LMO7: variants seen among roughly 807,000 people sequenced by gnomAD.
LMO7 encodes the protein LIM domain 7, also known as LIM domain only protein 7.
In LMO7, 120 loss-of-function variants were observed where a neutral mutation model predicts 206.5. That is an observed-to-expected ratio of 0.58 (90% CI 0.50 to 0.68). LMO7 has a LOEUF of 0.68. Ranked by LOEUF, LMO7 falls within the 30% of genes least tolerant of loss-of-function variation. The pLI is 0.00. For missense variants in LMO7, 1,959 were observed against 1,957.9 expected, an observed-to-expected ratio of 1.00 and a Z score of -0.01; for synonymous variants, 706 against 681.5, an observed-to-expected ratio of 1.04 and a Z score of -0.56.
At chr13:75,717,380 AAC>A (rs1555300788) in intron 2 of LMO7, among the ~76,000 whole-genome samples, 1 of 148,610 alleles carries the variant, frequency 6.7e-6, no homozygotes, top group South Asian at 2.1e-4. Context: ...AAAAAAAAAA[AAC>A]ACACAAACAA....
chr13:75,737,790 A>AAAAC (rs1555305779), intron 3 of LMO7, among the ~76,000 whole-genome samples: 4 of 129,442 alleles, frequency 3.1e-5, no homozygotes, highest in African/African-American at 9.6e-5. Flanking sequence ...AATAAAAAAA[A>AAAAC]AAAAAAAAAA....
intron 15 of LMO7, among the ~76,000 whole-genome samples, chr13:75,826,564 T>G (rs1250357610): frequency 6.6e-6 from 1 of 152,216 alleles, no homozygotes; most frequent in Non-Finnish European, 1.5e-5. Context: ...GTGATATCTC[T>G]CACTCCCTTT....
chr13:75,765,811 C>T (rs373566410), intron 4 of LMO7, among the ~76,000 whole-genome samples: 6 of 152,264 alleles, frequency 3.9e-5, no homozygotes, highest in Middle Eastern at 3.4e-3. Context: ...TAATCTATTT[C>T]TCAGATAGCC....
intron 12 of LMO7, 109 bp downstream of exon 12, chr13:75,817,387 G>C (rs2138222257): frequency 1.5e-6 from 1 of 650,352 alleles, no homozygotes. Flanking sequence ...ACAGAATTCA[G>C]TTCTGTATAA....
intron 17 of LMO7, among the ~76,000 whole-genome samples, chr13:75,834,953 A>G (rs2058998758): frequency 6.6e-6 from 1 of 152,184 alleles, no homozygotes; most frequent in Non-Finnish European, 1.5e-5. Context: ...TTTTTTCATT[A>G]CTAACATGAT....
chr13:75,749,907 T>A (rs2047138503), intron 3 of LMO7, among the ~76,000 whole-genome samples: 1 of 152,106 alleles, frequency 6.6e-6, no homozygotes, highest in Non-Finnish European at 1.5e-5. Flanking sequence ...GCTTATTTTC[T>A]TCACAAATAA....
intron 4 of LMO7, among the ~76,000 whole-genome samples, chr13:75,781,730 T>C (rs1376806398): frequency 6.6e-6 from 1 of 151,956 alleles, no homozygotes; most frequent in African/African-American, 2.4e-5. Context: ...TTGAACTAGT[T>C]TACAGTCCCA....
At chr13:75,722,803 G>A (rs562116493) in intron 2 of LMO7, among the ~76,000 whole-genome samples, 1 of 152,252 alleles carries the variant, frequency 6.6e-6, no homozygotes, top group African/African-American at 2.4e-5. Flanking sequence ...AGAAAATGTG[G>A]TGTATATATG....
chr13:75,816,165 C>G (rs557851280), intron 11 of LMO7, among the ~76,000 whole-genome samples: 2 of 152,276 alleles, frequency 1.3e-5, no homozygotes, highest in South Asian at 4.1e-4. Context: ...GCTAGGAATT[C>G]CTGAACTAGC....
intron 1 of LMO7, among the ~76,000 whole-genome samples, chr13:75,647,649 A>G (rs1416595156): frequency 6.6e-6 from 1 of 152,178 alleles, no homozygotes; most frequent in Non-Finnish European, 1.5e-5. Context: ...GTCTGTATTC[A>G]TAATTGGAGA....
At chr13:75,834,538 C>T in intron 17 of LMO7, 151 bp downstream of exon 17, 1 of 538,686 alleles carries the variant, frequency 1.9e-6, no homozygotes, top group Non-Finnish European at 3.1e-6. Flanking sequence ...AAATCTTGAA[C>T]CCTACCCCTT....
upstream of LMO7, among the ~76,000 whole-genome samples, chr13:75,633,055 G>A (rs999566165): frequency 2.0e-5 from 3 of 151,656 alleles, no homozygotes; most frequent in African/African-American, 4.9e-5. Context: ...AGTAGAGACC[G>A]GGTTTCACCA....
upstream of LMO7, among the ~76,000 whole-genome samples, chr13:75,635,649 G>A (rs1484113413): frequency 6.6e-6 from 1 of 152,178 alleles, no homozygotes; most frequent in Non-Finnish European, 1.5e-5. Flanking sequence ...CCTCAGCCGC[G>A]AGCCGGGGTG....
intron 18 of LMO7, 143 bp downstream of exon 18, chr13:75,835,482 A>G: frequency 1.8e-6 from 1 of 550,784 alleles, no homozygotes; most frequent in East Asian, 3.2e-5. Flanking sequence ...AAATTATAGT[A>G]AAGAGATACA....
intron 4 of LMO7, among the ~76,000 whole-genome samples, chr13:75,785,632 T>G (rs2052311625): frequency 6.6e-6 from 1 of 152,186 alleles, no homozygotes; most frequent in Non-Finnish European, 1.5e-5. Context: ...GTTATAGGAC[T>G]TCTCATAATT....
chr13:75,825,786 A>G (rs1215780730), intron 15 of LMO7, among the ~76,000 whole-genome samples: 1 of 152,162 alleles, frequency 6.6e-6, no homozygotes, highest in Non-Finnish European at 1.5e-5. Context: ...CTGCTGAGCA[A>G]TATGTAAAGG....
At chr13:75,757,885 C>T (rs1405227813) in intron 3 of LMO7, among the ~76,000 whole-genome samples, 1 of 150,548 alleles carries the variant, frequency 6.6e-6, no homozygotes, top group Non-Finnish European at 1.5e-5. Flanking sequence ...CCTGAAAGTA[C>T]AGGGTTTACA....
At chr13:75,663,436 T>TTTCTTTC (rs1566286871) in intron 1 of LMO7, among the ~76,000 whole-genome samples, 2 of 17,990 alleles carry the variant, frequency 1.1e-4, no homozygotes, top group Non-Finnish European at 3.2e-4. Context: ...TTCTTTCTTT[T>TTTCTTTC]TTTTTTTTTT....
chr13:75,858,417 CTA>C lies in LMO7; in HGVS notation c.*476_*477del, dbSNP rs2061125729. 6.6e-6 allele frequency: 1 copy of C among 152,658 alleles called. No individual in the cohort carries two copies. Among genetic ancestry groups the C allele is most frequent in the African/African-American group, 2.4e-5 (1 of 41,444 alleles). The allele number at this position is 152,658 out of a possible 1,614,324, so 9.5% of individuals were successfully genotyped here. A position where few individuals can be genotyped will look rare whatever the true frequency, so the allele number is the denominator to read the frequency against. On this transcript the variant is annotated 3_prime_UTR_variant, in exon 31 of 31. Coordinates refer to ENST00000377534, the MANE Select transcript of LMO7 (RefSeq NM_001306080.2). ...ACCATATGGAAAATTTCATTAAAATCTATCCCCAAATGTGCTTTCTGTATCCT... is the reference window on the plus strand; with the variant it reads ...ACCATATGGAAAATTTCATTAAAATCTCCCCAAATGTGCTTTCTGTATCCT...
Sources: gnomAD v4.1 joint callset for allele counts (sites outside exome capture counted in the v4.1 genomes callset) on GRCh38, gnomAD v4.1.1 for gene constraint, MANE v1.5 for transcripts, NCBI Gene and HGNC (gene_info 2026-07-23, HGNC 2026-07-21) for gene names.